The following DGKG variants were observed in gnomAD, a reference collection of about 807,000 sequenced individuals.
DGKG encodes the protein diacylglycerol kinase gamma, also known as DAG kinase gamma.
In DGKG, 78 loss-of-function variants were observed where a neutral mutation model predicts 105.3. The ratio of observed to expected loss-of-function variants is 0.74; its 90% CI spans 0.62 to 0.89. DGKG has a LOEUF of 0.89. DGKG is among the 40% of genes least tolerant of loss of function. The probability of loss-of-function intolerance (pLI) is 0.00; values close to 1 mark genes in which losing one functional copy is unlikely to be tolerated. For synonymous variants in DGKG, 346 were observed against 367.1 expected, an observed-to-expected ratio of 0.94 and a Z score of 0.66; for missense variants, 958 against 1,020.1, an observed-to-expected ratio of 0.94 and a Z score of 0.83.
intron 21 of DGKG, among the ~76,000 whole-genome samples, chr3:186,197,437 C>CT (rs1201466269): frequency 2.0e-5 from 3 of 152,116 alleles, no homozygotes; most frequent in African/African-American, 4.8e-5. Context: ...CACACTGCCT[C>CT]TTTTTTGAGG....
intron 20 of DGKG, among the ~76,000 whole-genome samples, chr3:186,227,110 G>T (rs1429185433): frequency 6.6e-6 from 1 of 152,264 alleles, no homozygotes; most frequent in East Asian, 1.9e-4. Flanking sequence ...TGAGAAGGGG[G>T]TTGAAATCTA....
chr3:186,281,772 T>A lies in DGKG; in HGVS notation c.595-1028A>T, dbSNP rs573800351. On this transcript the variant is annotated intron_variant, in intron 7 of 24. Transcript: ENST00000265022. ...GTGAATCTCTGGTTGGGTCCAAGATTTAAAGAGAAAACGTATTTCAGGAAC... is the reference window on the plus strand; with the variant it reads ...GTGAATCTCTGGTTGGGTCCAAGATATAAAGAGAAAACGTATTTCAGGAAC... Among the ~76,000 whole-genome samples, 3 of 152,210 alleles carry A rather than the reference T, an allele frequency of 2.0e-5. No homozygotes were observed. The East Asian group carries it at 5.8e-4, about 29-fold the overall frequency.
At chr3:186,227,662 A>G (rs1475619246) in intron 20 of DGKG, among the ~76,000 whole-genome samples, 1 of 152,218 alleles carries the variant, frequency 6.6e-6, no homozygotes, top group Non-Finnish European at 1.5e-5. Context: ...TGGCCCAATA[A>G]TAAGTGCATT....
At chr3:186,160,851 G>A (rs754274586) in intron 24 of DGKG, 4 of 985,336 alleles carry the variant, frequency 4.1e-6, no homozygotes, top group Non-Finnish European at 4.8e-6. Context: ...AGGATGCATG[G>A]CTCCTGTCCT....
intron 24 of DGKG, among the ~76,000 whole-genome samples, chr3:186,150,887 C>A (rs1450226679): frequency 1.3e-5 from 2 of 152,206 alleles, no homozygotes; most frequent in Non-Finnish European, 2.9e-5. Flanking sequence ...CAACCTTATC[C>A]TCAGGTCATG....
intron 22 of DGKG, among the ~76,000 whole-genome samples, chr3:186,183,735 G>A (rs1243722366): frequency 4.1e-5 from 6 of 145,844 alleles, no homozygotes; most frequent in Admixed American, 1.4e-4. Context: ...ATGAAGTTTC[G>A]CTCTTGTTGC....
At chr3:186,275,431 G>C in intron 10 of DGKG, 116 bp downstream of exon 10, 1 of 866,558 alleles carries the variant, frequency 1.2e-6, no homozygotes, top group African/African-American at 1.7e-5. Flanking sequence ...GGACAATATG[G>C]GTGGTCCCTC....
At chr3:186,316,571 A>G (rs375426289) in intron 2 of DGKG, among the ~76,000 whole-genome samples, 4 of 152,216 alleles carry the variant, frequency 2.6e-5, no homozygotes, top group African/African-American at 4.8e-5. Context: ...TTGTAGATTG[A>G]TAACAAACTT....
intron 20 of DGKG, among the ~76,000 whole-genome samples, chr3:186,216,692 A>AT (rs1232821405): frequency 6.6e-6 from 1 of 152,102 alleles, no homozygotes; most frequent in Non-Finnish European, 1.5e-5. Context: ...GTACCCTACA[A>AT]TTTGAGCTGG....
At chr3:186,248,091 G>T (rs954208968) in intron 19 of DGKG, among the ~76,000 whole-genome samples, 4 of 151,968 alleles carry the variant, frequency 2.6e-5, no homozygotes, top group Non-Finnish European at 4.4e-5. Flanking sequence ...TGGCTCTTGG[G>T]TTTAGGGCCT....
intron 8 of DGKG, 145 bp from the exon 9 acceptor site, chr3:186,280,118 G>T: frequency 9.2e-7 from 1 of 1,090,352 alleles, no homozygotes; most frequent in Non-Finnish European, 1.3e-6. Context: ...AGAGCAGACT[G>T]GGAGTGAGGA....
intron 16 of DGKG, among the ~76,000 whole-genome samples, chr3:186,259,009 C>G (rs1049732537): frequency 3.3e-5 from 5 of 152,282 alleles, no homozygotes; most frequent in East Asian, 1.9e-4. Flanking sequence ...ATCTGCCCAG[C>G]CTGGTGGTCT....
intron 10 of DGKG, among the ~76,000 whole-genome samples, chr3:186,274,677 G>A (rs1333751821): frequency 1.3e-5 from 2 of 151,858 alleles, no homozygotes; most frequent in Non-Finnish European, 2.9e-5. Context: ...TCAGAATGAT[G>A]GTTTCCAGCT....
intron 24 of DGKG, chr3:186,161,376 A>G: frequency 7.2e-7 from 1 of 1,389,660 alleles, no homozygotes; most frequent in Middle Eastern, 2.7e-4. Context: ...TCTATGTCTC[A>G]TTCAATTTTG....
At chr3:186,331,530 T>C (rs1725602557) in intron 1 of DGKG, among the ~76,000 whole-genome samples, 1 of 152,230 alleles carries the variant, frequency 6.6e-6, no homozygotes, top group South Asian at 2.1e-4. Flanking sequence ...AGGTACTTTG[T>C]ACACCATTAG....
chr3:186,251,883 T>G lies in DGKG; in HGVS notation c.1637A>C (p.Asp546Ala). ...EGGSLTKILKDIEQSPLVMLD... is the reference protein window; with the variant it reads ...EGGSLTKILKAIEQSPLVMLD... Reference sequence around the variant, plus strand: ...CATCACCAAGGGGCTCTGCTCAATGTCTTTCAGGATTTTTGTCAAGCTGCC... The same window carrying G: ...CATCACCAAGGGGCTCTGCTCAATGGCTTTCAGGATTTTTGTCAAGCTGCC... Residue 546 changes from aspartate (D) to alanine (A), a missense_variant, in exon 19 of 25, where the codon GAC (aspartate) becomes GCC (alanine). Transcript: ENST00000265022. The G allele has an allele frequency of 6.3e-7, 1 of 1,598,762 alleles. No individual in the cohort carries two copies. The highest frequency in any genetic ancestry group is 8.5e-7 in the Non-Finnish European group (1 of 1,171,052).
chr3:186,338,047 GTAGTCCC>G (rs1725911296), intron 1 of DGKG, among the ~76,000 whole-genome samples: 1 of 151,676 alleles, frequency 6.6e-6, no homozygotes, highest in Non-Finnish European at 1.5e-5. Context: ...GTGTGTACCT[GTAGTCCC>G]AGCTACTCGG....
chr3:186,244,623 C>T (rs148288594), intron 19 of DGKG, among the ~76,000 whole-genome samples: 9 of 152,074 alleles, frequency 5.9e-5, no homozygotes, highest in Non-Finnish European at 1.2e-4. Flanking sequence ...CCAGGCTGGT[C>T]TCAAAACTCC....
At chr3:186,194,199 A>G (rs1718057393) in intron 21 of DGKG, among the ~76,000 whole-genome samples, 1 of 152,280 alleles carries the variant, frequency 6.6e-6, no homozygotes, top group Non-Finnish European at 1.5e-5. Flanking sequence ...CACAGGTAAC[A>G]GAGACAAGGT....
Sources: allele counts gnomAD v4.1 joint callset (sites outside exome capture counted in the v4.1 genomes callset), GRCh38; gene constraint gnomAD v4.1.1; transcripts MANE v1.5; gene names NCBI Gene and HGNC (gene_info 2026-07-23, HGNC 2026-07-21).